PXDNL: variants seen among roughly 807,000 people sequenced by gnomAD.
PXDNL encodes the protein probable oxidoreductase PXDNL.
PXDNL carries 145 observed loss-of-function variants against 150.8 expected under a neutral mutation model. That is an observed-to-expected ratio of 0.96 (90% CI 0.84 to 1.10). The LOEUF (loss-of-function observed/expected upper bound fraction) is 1.10. Among genes scored for constraint, PXDNL ranks in the 50% least tolerant of loss-of-function variants. The pLI, the probability that PXDNL is intolerant of heterozygous loss-of-function variation, is 0.00. For synonymous variants in PXDNL, 757 were observed against 725.7 expected, an observed-to-expected ratio of 1.04 and a Z score of -0.69; for missense variants, 2,087 against 1,873.9, an observed-to-expected ratio of 1.11 and a Z score of -2.10.
At chr8:51,565,670 A>T (rs1367777031) in intron 3 of PXDNL, among the ~76,000 whole-genome samples, 13 of 151,954 alleles carry the variant, frequency 8.6e-5, no homozygotes, top group Admixed American at 8.5e-4. Context: ...TTCAATGTAC[A>T]CATAATTTGT....
chr8:51,432,720 C>A (rs918052499), intron 12 of PXDNL, among the ~76,000 whole-genome samples: 7 of 152,174 alleles, frequency 4.6e-5, no homozygotes, highest in Non-Finnish European at 7.3e-5. Flanking sequence ...AATGATCTTG[C>A]TGAACTCTTA....
At chr8:51,522,574 T>G (rs1811684491) in intron 4 of PXDNL, among the ~76,000 whole-genome samples, 1 of 152,182 alleles carries the variant, frequency 6.6e-6, no homozygotes, top group East Asian at 1.9e-4. Flanking sequence ...GCCGGGGCGG[T>G]GGCTCTCGCC....
intron 1 of PXDNL, among the ~76,000 whole-genome samples, chr8:51,705,842 C>T (rs780995322): frequency 0.097 from 14,171 of 145,460 alleles, 1,072 homozygotes; most frequent in African/African-American, 0.25. Context: ...TGCGCGCGCG[C>T]GCGCGCGCGC....
chr8:51,664,457 G>A (rs1815338057), intron 1 of PXDNL, among the ~76,000 whole-genome samples: 1 of 152,108 alleles, frequency 6.6e-6, no homozygotes, highest in African/African-American at 2.4e-5. Context: ...CATGTTAAAT[G>A]TGGCTCCTCC....
chr8:51,425,664 A>G (rs968958535), intron 13 of PXDNL, among the ~76,000 whole-genome samples: 1 of 152,086 alleles, frequency 6.6e-6, no homozygotes, highest in South Asian at 2.1e-4. Flanking sequence ...TACTAAAAAT[A>G]CAAAAACTTA....
intron 1 of PXDNL, among the ~76,000 whole-genome samples, chr8:51,756,963 T>A (rs2037108672): frequency 1.3e-5 from 2 of 152,224 alleles, no homozygotes; most frequent in African/African-American, 4.8e-5. Context: ...GTTTAGAACA[T>A]CATACCAAAG....
chr8:51,639,533 C>T (rs1310622774), intron 2 of PXDNL, among the ~76,000 whole-genome samples: 2 of 152,134 alleles, frequency 1.3e-5, no homozygotes, highest in Non-Finnish European at 2.9e-5. Context: ...CACCACCGAT[C>T]CCACAGAAAT....
At position 51,662,316 on chromosome 8, in the gene PXDNL, G is replaced by C. The variant is rs189143239; in HGVS notation, c.165-7556C>G. On this transcript the variant is annotated intron_variant, in intron 1 of 22. Transcript: ENST00000356297. ...AGGCAGATCACAAGGTCAAGAGTTC[G>C]AGACCAGCCTGGCCAATATGGTGAA... Among the ~76,000 whole-genome samples the C allele has an allele frequency of 1.5e-3, 228 of 151,634 alleles. 2 individuals carry two copies. The highest frequency in any genetic ancestry group is 0.015 in the Admixed American group (226 of 15,222).
intron 12 of PXDNL, among the ~76,000 whole-genome samples, chr8:51,438,803 A>C (rs1196634533): frequency 1.3e-5 from 2 of 151,166 alleles, no homozygotes; most frequent in African/African-American, 4.8e-5. Flanking sequence ...CAACAAGGCA[A>C]ACAAAAACGT....
chr8:51,726,791 A>G (rs1816824795), intron 1 of PXDNL, among the ~76,000 whole-genome samples: 1 of 152,278 alleles, frequency 6.6e-6, no homozygotes, highest in Non-Finnish European at 1.5e-5. Context: ...AAAATCTAGG[A>G]TTTGAAAAAA....
At chr8:51,320,956 A>G (rs937437549) in intron 21 of PXDNL, 59 bp from the exon 22 acceptor site, 10 of 1,223,062 alleles carry the variant, frequency 8.2e-6, no homozygotes, top group African/African-American at 6.1e-5. Flanking sequence ...AACAAAGCCA[A>G]TCAATAACAT....
chr8:51,686,937 T>C (rs564422016), intron 1 of PXDNL, among the ~76,000 whole-genome samples: 1 of 152,026 alleles, frequency 6.6e-6, no homozygotes, highest in East Asian at 1.9e-4. Context: ...AAGGAAAACA[T>C]CAAAAACTCC....
intron 1 of PXDNL, among the ~76,000 whole-genome samples, chr8:51,715,986 C>T (rs1324440229): frequency 1.2e-4 from 19 of 152,134 alleles, no homozygotes. Context: ...TGCCTCTACC[C>T]TTTTGATTTA....
chr8:51,599,453 T>C (rs1225720358), intron 2 of PXDNL, among the ~76,000 whole-genome samples: 4 of 151,568 alleles, frequency 2.6e-5, no homozygotes, highest in Non-Finnish European at 5.9e-5. Flanking sequence ...AATTTTTTGA[T>C]TTCTGATTCA....
At chr8:51,782,937 A>T (rs1214666851) in intron 1 of PXDNL, among the ~76,000 whole-genome samples, 1 of 152,254 alleles carries the variant, frequency 6.6e-6, no homozygotes, top group Non-Finnish European at 1.5e-5. Context: ...TGCGATTTTA[A>T]TATTAATAAA....
intron 1 of PXDNL, among the ~76,000 whole-genome samples, chr8:51,802,134 A>G (rs1324898904): frequency 1.3e-5 from 2 of 150,418 alleles, no homozygotes; most frequent in East Asian, 1.9e-4. Context: ...GTAGACAGGA[A>G]TTTTTTTAAG....
intron 1 of PXDNL, among the ~76,000 whole-genome samples, chr8:51,677,422 T>A (rs887855391): frequency 4.6e-5 from 7 of 152,180 alleles, no homozygotes; most frequent in Non-Finnish European, 8.8e-5. Context: ...GGATTTAGAG[T>A]GATAACCTAG....
intron 1 of PXDNL, among the ~76,000 whole-genome samples, chr8:51,738,920 T>C (rs569886671): frequency 2.4e-5 from 2 of 84,206 alleles, no homozygotes; most frequent in East Asian, 5.7e-4. Flanking sequence ...ACAAAATTAG[T>C]CGAAAATAGT....
In PXDNL at chr8:51,556,879, T is replaced by A; in HGVS notation, c.341A>T (p.Asp114Val). 6.3e-7 allele frequency: 1 copy of A among 1,585,520 alleles called. No homozygotes were observed. The highest frequency in any genetic ancestry group is 8.7e-7 in the Non-Finnish European group (1 of 1,154,892). Reference protein sequence around the residue: ...YLYKNEIHALDKQTFKGLISL... With the variant: ...YLYKNEIHALVKQTFKGLISL... The stretch of plus-strand genomic sequence containing the variant: ...TATGAGTCCTTTAAATGTTTGCTTA[T>A]CTAGTGCATGGATTTCATTCTTATA... Residue 114 changes from aspartate to valine, a missense_variant, in exon 4 of 23, where the codon GAT becomes GTT. By Grantham distance (152) the Asp-to-Val change is radical. Transcript: ENST00000356297.
Sources: gnomAD v4.1 joint callset for allele counts (sites outside exome capture counted in the v4.1 genomes callset) on GRCh38, gnomAD v4.1.1 for gene constraint, MANE v1.5 for transcripts, NCBI Gene and HGNC (gene_info 2026-07-23, HGNC 2026-07-21) for gene names.